The following MAN2A1 variants were observed in gnomAD, a reference collection of about 807,000 sequenced individuals.
MAN2A1 encodes alpha-mannosidase 2.
MAN2A1 carries 76 observed loss-of-function variants against 142.6 expected under a neutral mutation model. The observed-to-expected ratio is 0.53, with a 90% CI of 0.44 to 0.65. The LOEUF (loss-of-function observed/expected upper bound fraction) is 0.65, where lower values mean the gene tolerates loss of function less well. MAN2A1 is among the 30% of genes least tolerant of loss of function. MAN2A1 has a pLI of 0.00. For synonymous variants in MAN2A1, 559 were observed against 473.2 expected (o/e 1.18, Z -2.35); for missense variants, 1,311 against 1,365.1 (o/e 0.96, Z 0.62).
intron 4 of MAN2A1, among the ~76,000 whole-genome samples, chr5:109,746,912 G>A (rs1053741009): frequency 1.3e-5 from 2 of 152,078 alleles, no homozygotes; most frequent in African/African-American, 4.8e-5. Flanking sequence ...GTATCTTCAA[G>A]GCTCATTCAT....
chr5:109,755,720 G>A (rs1472682597), intron 5 of MAN2A1, among the ~76,000 whole-genome samples: 1 of 148,446 alleles, frequency 6.7e-6, no homozygotes, highest in Non-Finnish European at 1.5e-5. Flanking sequence ...TTAATTGTAT[G>A]TTAAGACTTG....
chr5:109,734,236 A>G (rs1453158522), intron 4 of MAN2A1, among the ~76,000 whole-genome samples: 2 of 144,512 alleles, frequency 1.4e-5, no homozygotes, highest in East Asian at 2.0e-4. Context: ...TATTGCGTCT[A>G]TTTGATTCTT....
At chr5:109,821,297 A>G (rs1429455627) in intron 15 of MAN2A1, among the ~76,000 whole-genome samples, 1 of 152,160 alleles carries the variant, frequency 6.6e-6, no homozygotes, top group African/African-American at 2.4e-5. Flanking sequence ...TCCAATTTTA[A>G]TATATACTGT....
At chr5:109,703,763 A>T (rs1390729149) in intron 1 of MAN2A1, among the ~76,000 whole-genome samples, 1 of 152,156 alleles carries the variant, frequency 6.6e-6, no homozygotes, top group East Asian at 1.9e-4. Flanking sequence ...TTAAAATTTT[A>T]TAATCTACAC....
At chr5:109,742,358 G>C (rs967212783) in intron 4 of MAN2A1, among the ~76,000 whole-genome samples, 5 of 152,180 alleles carry the variant, frequency 3.3e-5, no homozygotes, top group African/African-American at 1.2e-4. Flanking sequence ...AGTTAGTATA[G>C]ATTTTTTATC....
intron 16 of MAN2A1, among the ~76,000 whole-genome samples, chr5:109,838,006 A>G (rs1010378151): frequency 6.6e-6 from 1 of 151,916 alleles, no homozygotes; most frequent in Admixed American, 6.6e-5. Context: ...GAATGCAAAG[A>G]TGGTGTGTAA....
At chr5:109,725,362 A>G (rs1339444232) in intron 3 of MAN2A1, among the ~76,000 whole-genome samples, 1 of 152,200 alleles carries the variant, frequency 6.6e-6, no homozygotes, top group African/African-American at 2.4e-5. Context: ...GTCCCAAACC[A>G]GGAAGGACCT....
At chr5:109,736,034 C>A (rs1045740071) in intron 4 of MAN2A1, among the ~76,000 whole-genome samples, 2 of 152,018 alleles carry the variant, frequency 1.3e-5, no homozygotes, top group Non-Finnish European at 2.9e-5. Flanking sequence ...TGTGCTGCTA[C>A]TGGAACCAGA....
chr5:109,755,685 TA>T (rs1752670402), intron 5 of MAN2A1, among the ~76,000 whole-genome samples: 1 of 152,168 alleles, frequency 6.6e-6, no homozygotes, highest in South Asian at 2.1e-4. Context: ...TATTTATCTA[TA>T]TTTTTATTGG....
chr5:109,741,565 G>C (rs893770797), intron 4 of MAN2A1, among the ~76,000 whole-genome samples: 1 of 152,168 alleles, frequency 6.6e-6, no homozygotes, highest in Non-Finnish European at 1.5e-5. Flanking sequence ...TTGCAAGCTA[G>C]CTGTTGCAGA....
intron 4 of MAN2A1, among the ~76,000 whole-genome samples, chr5:109,754,566 A>C (rs2112626148): frequency 1.3e-5 from 2 of 152,366 alleles, no homozygotes; most frequent in Admixed American, 1.3e-4. Flanking sequence ...CAGTGTCAGA[A>C]GGACTAAAGT....
chr5:109,751,560 T>C (rs1220274027), intron 4 of MAN2A1, among the ~76,000 whole-genome samples: 1 of 151,930 alleles, frequency 6.6e-6, no homozygotes, highest in Non-Finnish European at 1.5e-5. Flanking sequence ...GGTAGTTCTA[T>C]TTTTAGTTTT....
In MAN2A1 at chr5:109,867,074, A is replaced by T; in HGVS notation, c.*76A>T. On this transcript the variant is annotated 3_prime_UTR_variant, in exon 22 of 22. Transcript: ENST00000261483. ...GGTTTGACGTGCAATAAAGAAGCAC[A>T]TTATTTTAGCTTCTGGCTACTGTGA... 1 of 1,229,118 alleles carries T rather than the reference A, an allele frequency of 8.1e-7. No individual in the cohort carries two copies. Among genetic ancestry groups the T allele is most frequent in the Non-Finnish European group, 1.1e-6 (1 of 896,376 alleles). 76.1% of individuals were successfully genotyped at this position (1,229,118 alleles called of 1,614,324 possible).
intron 19 of MAN2A1, among the ~76,000 whole-genome samples, chr5:109,852,065 A>G (rs1580317735): frequency 6.6e-6 from 1 of 151,872 alleles, no homozygotes; most frequent in East Asian, 1.9e-4. Context: ...TTTCTTGGGT[A>G]AAAAACAAAA....
intron 12 of MAN2A1, chr5:109,794,135 C>G (rs904276726): frequency 7.2e-5 from 11 of 152,086 alleles, no homozygotes; most frequent in Non-Finnish European, 1.3e-4. Flanking sequence ...AAATAGAATT[C>G]TGACCACTCA....
Position 109,780,790 on chromosome 5 carries a change from T to A in MAN2A1, c.1375-606T>A, listed in dbSNP as rs576610882. On this transcript the variant is annotated intron_variant, in intron 8 of 21. Coordinates refer to ENST00000261483, the MANE Select transcript of MAN2A1 (RefSeq NM_002372.4). ...GTTTAAGCAGCCAGACTTGCCATTC[T>A]TAGCACTCCTTGGATTTAACTTCTA... Among the ~76,000 whole-genome samples the A allele has an allele frequency of 3.9e-5, 6 of 152,302 alleles. No individual in the cohort carries two copies. The South Asian group carries it at 1.2e-3, about 32-fold the overall frequency.
Position 109,713,552 on chromosome 5 carries a change from C to G in MAN2A1, c.168C>G (p.Asp56Glu). 10 of 1,612,110 alleles carry G rather than the reference C, an allele frequency of 6.2e-6. No homozygotes were observed. The highest frequency in any genetic ancestry group is 8.5e-6 in the Non-Finnish European group (10 of 1,178,462). ...GQLSMLQEKI[D>E]HLERLLAENN... Reference sequence around the variant, plus strand: ...TCTCAATGTTGCAAGAAAAAATAGACCATTTGGAGCGTTTGCTAGCTGAGA... The same window carrying G: ...TCTCAATGTTGCAAGAAAAAATAGAGCATTTGGAGCGTTTGCTAGCTGAGA... Residue 56 changes from aspartate to glutamate, a missense_variant, in exon 2 of 22, where the codon GAC (aspartate) becomes GAG (glutamate). Asp to Glu is a conservative substitution (Grantham distance 45). Transcript: ENST00000261483.
intron 19 of MAN2A1, chr5:109,854,353 G>A (rs1755554326): frequency 1.3e-5 from 2 of 152,072 alleles, no homozygotes. Context: ...TTTAATGTTT[G>A]AACATACAGA....
At chr5:109,695,973 TAGGG>T (rs1246553553) in intron 1 of MAN2A1, among the ~76,000 whole-genome samples, 2 of 152,194 alleles carry the variant, frequency 1.3e-5, no homozygotes, top group African/African-American at 4.8e-5. Context: ...GTGCCTATAA[TAGGG>T]AGGAAGTAAA....
Sources: allele counts gnomAD v4.1 joint callset (sites outside exome capture counted in the v4.1 genomes callset), GRCh38; gene constraint gnomAD v4.1.1; transcripts MANE v1.5; gene names NCBI Gene and HGNC (gene_info 2026-07-23, HGNC 2026-07-21).